Variants in MAP2K4 observed in about 807,000 individuals in gnomAD.
The protein encoded by MAP2K4 is mitogen-activated protein kinase kinase 4.
MAP2K4 carries 4 observed loss-of-function variants against 48.5 expected under a neutral mutation model. The ratio of observed to expected loss-of-function variants is 0.08; its 90% CI spans 0.04 to 0.19. The LOEUF is 0.19. Ranked by LOEUF, MAP2K4 falls within the 10% of genes least tolerant of loss-of-function variation. The probability of loss-of-function intolerance (pLI) is 1.00; values close to 1 mark genes in which losing one functional copy is unlikely to be tolerated. For missense variants in MAP2K4, 258 were observed against 493.3 expected (o/e 0.52, Z 4.52); for synonymous variants, 166 against 173.1 (o/e 0.96, Z 0.32).
chr17:12,093,327 A>G (rs980230050), intron 3 of MAP2K4, among the ~76,000 whole-genome samples: 3 of 152,202 alleles, frequency 2.0e-5, no homozygotes, highest in East Asian at 3.9e-4. Flanking sequence ...ATTAGTAACA[A>G]TTCTGTCAGA....
chr17:12,131,045 G>A (rs913683769), intron 9 of MAP2K4, among the ~76,000 whole-genome samples: 3 of 151,784 alleles, frequency 2.0e-5, no homozygotes, highest in Non-Finnish European at 2.9e-5. Flanking sequence ...TCCTCCAAAG[G>A]GCCATAGAAT....
chr17:12,129,756 G>A (rs912175978), intron 9 of MAP2K4, among the ~76,000 whole-genome samples: 2 of 152,162 alleles, frequency 1.3e-5, no homozygotes, highest in East Asian at 1.9e-4. Flanking sequence ...ACATCCACAC[G>A]CAAAGTGTAG....
chr17:12,115,700 A>G, intron 7 of MAP2K4: 1 of 760,906 alleles, frequency 1.3e-6, no homozygotes, highest in Non-Finnish European at 2.5e-6. Flanking sequence ...ACAAACTTCA[A>G]GCCAACTCAC....
intron 9 of MAP2K4, among the ~76,000 whole-genome samples, chr17:12,137,238 A>T (rs750650613): frequency 2.6e-5 from 4 of 152,244 alleles, no homozygotes; most frequent in Non-Finnish European, 5.9e-5. Flanking sequence ...TGTTATTTCA[A>T]AATGAGTCTG....
At position 12,128,316 on chromosome 17, in the gene MAP2K4, A is replaced by T. The variant is rs559621649; in HGVS notation, c.892-823A>T. On this transcript the variant is annotated intron_variant, in intron 8 of 10. Transcript: ENST00000353533. ...ATGGTGTCCATCTCCTGACCTCCTG[A>T]TCCACCCGCCTCGGCATCCCAAAGT... 1.1e-4 allele frequency among the ~76,000 whole-genome samples: 16 copies of T among 152,252 alleles called. 1 individual carries two copies. The South Asian group carries it at 3.1e-3, about 30-fold the overall frequency.
intron 1 of MAP2K4, among the ~76,000 whole-genome samples, chr17:12,049,312 T>A (rs1199932704): frequency 6.6e-6 from 1 of 152,228 alleles, no homozygotes; most frequent in African/African-American, 2.4e-5. Flanking sequence ...ATGAATGACT[T>A]GTACACTGCA....
rs1969783421 is a variant in MAP2K4 at position 12,041,571 on chromosome 17, T to C, written c.116-13318T>C. Reference sequence around the variant, plus strand: ...TAATTTTTGTGTCATGAAATTCTATTGTTAGCATTTTTCTACTAAAAGCTT... The same window carrying C: ...TAATTTTTGTGTCATGAAATTCTATCGTTAGCATTTTTCTACTAAAAGCTT... On this transcript the variant is annotated intron_variant, in intron 1 of 10. Coordinates refer to ENST00000353533, the MANE Select transcript of MAP2K4 (RefSeq NM_003010.4). Among the ~76,000 whole-genome samples, 5 of 152,348 alleles carry C rather than the reference T, an allele frequency of 3.3e-5. No homozygotes were observed. The South Asian group carries it at 8.3e-4, about 25-fold the overall frequency.
At chr17:12,038,074 T>C (rs1166936832) in intron 1 of MAP2K4, among the ~76,000 whole-genome samples, 1 of 152,154 alleles carries the variant, frequency 6.6e-6, no homozygotes, top group Non-Finnish European at 1.5e-5. Context: ...AAAGTTTTCA[T>C]TTATATGCCA....
At position 12,084,217 on chromosome 17, in the gene MAP2K4, T is replaced by C. The variant is rs117137583; in HGVS notation, c.393+2687T>C. Among the ~76,000 whole-genome samples, 1,452 of 152,290 alleles carry C rather than the reference T, an allele frequency of 9.5e-3. 13 individuals are homozygous for C. Among genetic ancestry groups the C allele is most frequent in the South Asian group, 0.014 (66 of 4,826 alleles). On this transcript the variant is annotated intron_variant, in intron 3 of 10. Transcript: ENST00000353533. Reference sequence around the variant, plus strand: ...TTACCCCAAAGACTTAATCTAAAAATCAGTTTTGATATAATCAGATTTAGT... The same window carrying C: ...TTACCCCAAAGACTTAATCTAAAAACCAGTTTTGATATAATCAGATTTAGT...
At chr17:12,111,143 ACAG>A (rs2151575826) in intron 6 of MAP2K4, among the ~76,000 whole-genome samples, 1 of 152,304 alleles carries the variant, frequency 6.6e-6, no homozygotes, top group South Asian at 2.1e-4. Flanking sequence ...GAAAAACCTG[ACAG>A]TAAGTGGCAG....
intron 2 of MAP2K4, among the ~76,000 whole-genome samples, chr17:12,063,706 C>T (rs961023965): frequency 6.6e-6 from 1 of 152,066 alleles, no homozygotes; most frequent in Non-Finnish European, 1.5e-5. Context: ...GGCGCAGTGG[C>T]TCATGCCTGT....
At chr17:12,022,698 C>T (rs937507705) in intron 1 of MAP2K4, among the ~76,000 whole-genome samples, 6 of 152,070 alleles carry the variant, frequency 3.9e-5, no homozygotes, top group Non-Finnish European at 8.8e-5. Context: ...TCTAACTGTC[C>T]TCATGGAGGT....
Position 12,081,195 on chromosome 17 carries a change from G to T in MAP2K4, c.219-161G>T, listed in dbSNP as rs956730495. On this transcript the variant is annotated intron_variant, in intron 2 of 10. Coordinates refer to ENST00000353533, the MANE Select transcript of MAP2K4 (RefSeq NM_003010.4). The surrounding 1 kb of genome is among the most constrained non-coding windows in gnomAD (Gnocchi z 4.2). ...ATCTAGATCATTCTTAATCCAGTGT[G>T]TAAAAAACCAGGATGACACAAATGA... Among the ~76,000 whole-genome samples the T allele has an allele frequency of 7.9e-5, 12 of 152,266 alleles. No individual in the cohort carries two copies. Among genetic ancestry groups the T allele is most frequent in the Admixed American group, 3.9e-4 (6 of 15,296 alleles).
At chr17:12,097,254 G>A (rs2151563760) in intron 4 of MAP2K4, among the ~76,000 whole-genome samples, 1 of 152,266 alleles carries the variant, frequency 6.6e-6, no homozygotes, top group South Asian at 2.1e-4. Flanking sequence ...CTCCTAACTA[G>A]ATTCTGTGGT....
At chr17:12,076,836 G>A (rs1238466461) in intron 2 of MAP2K4, among the ~76,000 whole-genome samples, 1 of 148,624 alleles carries the variant, frequency 6.7e-6, no homozygotes, top group Non-Finnish European at 1.5e-5. Flanking sequence ...CAGAGTTACG[G>A]ATTTTTTGTG....
chr17:12,020,946 C>T lies in MAP2K4; in HGVS notation c.60C>T (p.Thr20=). ...GGSGGGSGSG[T]PGPVGSPAPG... ...CCGGGGGCGGCAGCGGCAGCGGCACCCCCGGCCCCGTAGGGTCCCCGGCGC... is the reference window on the plus strand; with the variant it reads ...CCGGGGGCGGCAGCGGCAGCGGCACTCCCGGCCCCGTAGGGTCCCCGGCGC... The change falls in exon 1 of 11, where the codon ACC becomes ACT. Residue 20 remains threonine (T), a synonymous_variant. Coordinates refer to ENST00000353533, the MANE Select transcript of MAP2K4 (RefSeq NM_003010.4). The T allele has an allele frequency of 8.2e-7, 1 of 1,217,642 alleles. No individual in the cohort carries two copies. Among genetic ancestry groups the T allele is most frequent in the Non-Finnish European group, 1.0e-6 (1 of 979,106 alleles). 75.4% of individuals were successfully genotyped at this position (1,217,642 alleles called of 1,614,324 possible). A position where few individuals can be genotyped will look rare whatever the true frequency, so the allele number is the denominator to read the frequency against.
intron 1 of MAP2K4, among the ~76,000 whole-genome samples, chr17:12,038,051 T>C (rs1299240480): frequency 6.6e-6 from 1 of 152,146 alleles, no homozygotes; most frequent in Non-Finnish European, 1.5e-5. Flanking sequence ...TTAGTGACTT[T>C]CCCACATTGC....
intron 2 of MAP2K4, among the ~76,000 whole-genome samples, chr17:12,074,493 A>G (rs556490927): frequency 3.8e-4 from 58 of 152,288 alleles, no homozygotes; most frequent in African/African-American, 1.3e-3. Context: ...CCTTCTAACT[A>G]CTTTATTGGT....
chr17:12,099,197 T>A (rs1459128217), intron 4 of MAP2K4, among the ~76,000 whole-genome samples: 2 of 151,772 alleles, frequency 1.3e-5, no homozygotes, highest in Non-Finnish European at 2.9e-5. Flanking sequence ...TGGCCTCCAG[T>A]GTATCCGTGT....
Sources: gnomAD v4.1 joint callset for allele counts (sites outside exome capture counted in the v4.1 genomes callset) on GRCh38, gnomAD v4.1.1 for gene constraint, Gnocchi (gnomAD v3.1) non-coding constraint, MANE v1.5 for transcripts, NCBI Gene and HGNC (gene_info 2026-07-23, HGNC 2026-07-21) for gene names.